Variants in FOXP1 observed in about 807,000 individuals in gnomAD.
FOXP1 encodes the protein forkhead box protein P1.
Under a neutral mutation model 98.2 loss-of-function variants are expected in FOXP1, and 15 were observed. That is an observed-to-expected ratio of 0.15 (90% CI 0.10 to 0.24). The LOEUF is 0.24. Among genes scored for constraint, FOXP1 ranks in the 10% least tolerant of loss-of-function variants. The pLI, the probability that FOXP1 is intolerant of heterozygous loss-of-function variation, is 1.00. For missense variants in FOXP1, 633 were observed against 848.5 expected, an observed-to-expected ratio of 0.75 and a Z score of 3.15; for synonymous variants, 371 against 314.5, an observed-to-expected ratio of 1.18 and a Z score of -1.90.
At chr3:71,579,950 T>G (rs1314722263) in intron 2 of FOXP1, among the ~76,000 whole-genome samples, 3 of 152,128 alleles carry the variant, frequency 2.0e-5, no homozygotes, top group Non-Finnish European at 4.4e-5. Flanking sequence ...GGCTGAGTAT[T>G]TCCTTCCAAG....
chr3:71,520,397 C>T (rs1368273217), intron 2 of FOXP1, among the ~76,000 whole-genome samples: 1 of 152,208 alleles, frequency 6.6e-6, no homozygotes, highest in Non-Finnish European at 1.5e-5. Context: ...ATTCCAAATA[C>T]AAGGGAAAGC....
intron 3 of FOXP1, among the ~76,000 whole-genome samples, chr3:71,480,764 A>C (rs6549391): frequency 0.28 from 42,995 of 152,052 alleles, 6,454 homozygotes; most frequent in Non-Finnish European, 0.33. Flanking sequence ...CTAGAATCCC[A>C]AGGTACCAAA....
rs187638791 is a variant in FOXP1 at position 71,368,871 on chromosome 3, C to G, written c.-167-9627G>C. Among the ~76,000 whole-genome samples the G allele has an allele frequency of 2.4e-4, 36 of 152,294 alleles. No individual in the cohort carries two copies. In the East Asian group the frequency reaches 6.7e-3, roughly 29 times the overall value. On this transcript the variant is annotated intron_variant, in intron 3 of 20. Coordinates refer to ENST00000649528, the MANE Select transcript of FOXP1 (RefSeq NM_001349338.3). Reference sequence around the variant, plus strand: ...ACAAGAATAAGATGAGGAGGTTCAACAGACATGAAGGGAAGAAAACATATA... The same window carrying G: ...ACAAGAATAAGATGAGGAGGTTCAAGAGACATGAAGGGAAGAAAACATATA...
At chr3:71,313,486 T>C (rs2074849679) in intron 4 of FOXP1, among the ~76,000 whole-genome samples, 2 of 151,852 alleles carry the variant, frequency 1.3e-5, no homozygotes, top group Admixed American at 6.6e-5. Context: ...AGAATTTTTA[T>C]AAAGGCAAGG....
intron 10 of FOXP1, 86 bp from the exon 11 acceptor site, chr3:71,041,618 C>T (rs1364805741): frequency 1.5e-6 from 2 of 1,351,180 alleles, no homozygotes; most frequent in Non-Finnish European, 2.1e-6. Context: ...AGTCAGTAAA[C>T]AAAGCCTAGT....
At chr3:71,367,204 GAGA>G (rs1560378506) in intron 3 of FOXP1, among the ~76,000 whole-genome samples, 1 of 152,168 alleles carries the variant, frequency 6.6e-6, no homozygotes, top group African/African-American at 2.4e-5. Flanking sequence ...TGTCAGCTAG[GAGA>G]AGGCCACCAC....
intron 3 of FOXP1, among the ~76,000 whole-genome samples, chr3:71,430,688 C>A (rs2084628778): frequency 6.6e-6 from 1 of 151,984 alleles, no homozygotes; most frequent in South Asian, 2.1e-4. Flanking sequence ...CAGACTTATC[C>A]CTAAAAGAGG....
chr3:71,548,013 A>G (rs1414115446), intron 2 of FOXP1, among the ~76,000 whole-genome samples: 2 of 152,206 alleles, frequency 1.3e-5, no homozygotes, highest in Non-Finnish European at 2.9e-5. Context: ...GGCTTTGGAA[A>G]AGAAGTGAAC....
At chr3:71,396,918 G>GTA (rs1157468185) in intron 3 of FOXP1, among the ~76,000 whole-genome samples, 638 of 56,684 alleles carry the variant, frequency 0.011, 94 homozygotes, top group African/African-American at 0.027. Flanking sequence ...ATATATGTGT[G>GTA]TATATATATA....
At chr3:71,044,843 CAG>C (rs2048813609) in intron 10 of FOXP1, among the ~76,000 whole-genome samples, 2 of 152,292 alleles carry the variant, frequency 1.3e-5, no homozygotes, top group South Asian at 4.1e-4. Flanking sequence ...CAAAGACAAA[CAG>C]AGTTGATCAA....
At chr3:71,413,898 A>T (rs1259235895) in intron 3 of FOXP1, among the ~76,000 whole-genome samples, 1 of 152,096 alleles carries the variant, frequency 6.6e-6, no homozygotes, top group Non-Finnish European at 1.5e-5. Context: ...TAAGCCATCA[A>T]CATTTATTCC....
rs1338939448 is a variant in FOXP1, at chr3:71,536,786, A to T, written c.-297-43231T>A. The stretch of plus-strand genomic sequence containing the variant: ...CTGAACACATTCTCAATGTGCCATG[A>T]TGCAAATCCAACATGATGATCGTTT... On this transcript the variant is annotated intron_variant, in intron 2 of 20. Transcript: ENST00000649528. Among the ~76,000 whole-genome samples the T allele has an allele frequency of 3.9e-5, 6 of 152,176 alleles. No individual in the cohort carries two copies. In the South Asian group the frequency reaches 1.0e-3, roughly 26 times the overall value.
At chr3:71,480,565 T>C (rs2090194030) in intron 3 of FOXP1, among the ~76,000 whole-genome samples, 1 of 152,152 alleles carries the variant, frequency 6.6e-6, no homozygotes, top group African/African-American at 2.4e-5. Context: ...TGTGGACACA[T>C]CAATAAAACA....
At chr3:71,458,404 G>T (rs905618218) in intron 3 of FOXP1, among the ~76,000 whole-genome samples, 8 of 152,142 alleles carry the variant, frequency 5.3e-5, no homozygotes, top group African/African-American at 1.2e-4. Context: ...CCCAGGATCA[G>T]AACTTTACAT....
chr3:71,263,908 C>T (rs1576651615), intron 5 of FOXP1, among the ~76,000 whole-genome samples: 1 of 151,662 alleles, frequency 6.6e-6, no homozygotes, highest in South Asian at 2.1e-4. Flanking sequence ...CGACTCCCAG[C>T]TAATTTTTTT....
intron 5 of FOXP1, among the ~76,000 whole-genome samples, chr3:71,244,485 C>T (rs2067551317): frequency 8.2e-6 from 1 of 122,374 alleles, no homozygotes; most frequent in African/African-American, 3.3e-5. Flanking sequence ...TGGAAAAGAT[C>T]AGGAGAGTTG....
intron 2 of FOXP1, among the ~76,000 whole-genome samples, chr3:71,528,942 G>A (rs939415901): frequency 6.6e-6 from 1 of 152,214 alleles, no homozygotes; most frequent in Admixed American, 6.5e-5. Context: ...GTTTAACTTA[G>A]TAATGCTAAA....
chr3:71,506,756 T>G (rs1457320732), intron 2 of FOXP1, among the ~76,000 whole-genome samples: 4 of 152,180 alleles, frequency 2.6e-5, no homozygotes, highest in Admixed American at 2.6e-4. Context: ...GATTTCCACC[T>G]CCATTACTAA....
chr3:71,546,668 C>A (rs750913828), intron 2 of FOXP1, among the ~76,000 whole-genome samples: 8 of 151,994 alleles, frequency 5.3e-5, no homozygotes, highest in Non-Finnish European at 8.8e-5. Context: ...CGAAGCACAC[C>A]TCCAAAGCCT....
Sources: allele counts gnomAD v4.1 joint callset (sites outside exome capture counted in the v4.1 genomes callset), GRCh38; gene constraint gnomAD v4.1.1; transcripts MANE v1.5; gene names NCBI Gene and HGNC (gene_info 2026-07-23, HGNC 2026-07-21).